PRKCSH: variants seen among roughly 807,000 people sequenced by gnomAD.
PRKCSH encodes the protein PRKCSH beta subunit of glucosidase II, also known as glucosidase 2 subunit beta.
Under a neutral mutation model 79.7 loss-of-function variants are expected in PRKCSH, and 42 were observed. The ratio of observed to expected loss-of-function variants is 0.53; its 90% CI spans 0.41 to 0.68. PRKCSH has a LOEUF of 0.68. PRKCSH is among the 30% of genes least tolerant of loss of function. PRKCSH has a pLI of 0.00. For synonymous variants in PRKCSH, 325 were observed against 288.2 expected, an observed-to-expected ratio of 1.13 and a Z score of -1.29; for missense variants, 686 against 709.0, an observed-to-expected ratio of 0.97 and a Z score of 0.37.
Position 11,446,655 on chromosome 19 carries a change from T to A in PRKCSH, c.762+305T>A, listed in dbSNP as rs577599975. ...CTCCCCCACACCCTCGTCCCCTGTCTGTCTCCTTTCCTATCCTCCTCCTTC... is the reference window on the plus strand; with the variant it reads ...CTCCCCCACACCCTCGTCCCCTGTCAGTCTCCTTTCCTATCCTCCTCCTTC... On this transcript the variant is annotated intron_variant, in intron 9 of 17. Transcript: ENST00000677123. Among the ~76,000 whole-genome samples the A allele has an allele frequency of 2.1e-5, 3 of 139,874 alleles. No individual in the cohort carries two copies. In the East Asian group the frequency reaches 7.1e-4, roughly 33 times the overall value. 91.8% of individuals were successfully genotyped at this position (139,874 alleles called of 152,430 possible).
intron 4 of PRKCSH, 47 bp from the exon 5 acceptor site, chr19:11,438,020 G>A (rs2144808410): frequency 1.2e-6 from 2 of 1,613,950 alleles, no homozygotes; most frequent in Non-Finnish European, 1.7e-6. Context: ...AGGGAGGGAG[G>A]GAGGAGGCAC....
Position 11,449,369 on chromosome 19 carries a change from C to T in PRKCSH, c.1565C>T (p.Pro522Leu). The T allele has an allele frequency of 1.9e-6, 3 of 1,613,430 alleles. No individual in the cohort carries two copies. Among genetic ancestry groups the T allele is most frequent in the Non-Finnish European group, 2.5e-6 (3 of 1,179,966 alleles). Reference sequence around the variant, plus strand: ...ATGACGCCAGCCGCCTGCCCGGAGCCACCGCCTGAAGCACCCACCGAAGAC... The same window carrying T: ...ATGACGCCAGCCGCCTGCCCGGAGCTACCGCCTGAAGCACCCACCGAAGAC... ...ELMTPAACPEPPPEAPTEDDH... is the reference protein window; with the variant it reads ...ELMTPAACPELPPEAPTEDDH... Residue 522 changes from proline (P) to leucine (L), a missense_variant, in exon 17 of 18, where the codon CCA becomes CTA. Pro to Leu is a moderately conservative substitution (Grantham distance 98). Around this residue, in one of 2 missense-constraint regions of PRKCSH, gnomAD observed 137 missense variants for 188.8 expected, o/e 0.73. Coordinates refer to ENST00000677123, the MANE Select transcript of PRKCSH (RefSeq NM_001289104.2). This position sits in a 1 kb window ranked among gnomAD's most constrained non-coding sequence, Gnocchi z 6.4.
chr19:11,438,429 T>C (rs1338042985), intron 5 of PRKCSH, among the ~76,000 whole-genome samples: 1 of 152,100 alleles, frequency 6.6e-6, no homozygotes, highest in Non-Finnish European at 1.5e-5. Flanking sequence ...CAGCAGGTCC[T>C]GAAAACCGAA....
Position 11,448,585 on chromosome 19 carries a change from GT to G in PRKCSH, c.1245del (p.Phe415LeufsTer56). 1.2e-6 allele frequency: 2 copies of G among 1,614,238 alleles called. No individual in the cohort carries two copies. Among genetic ancestry groups the G allele is most frequent in the Non-Finnish European group, 1.7e-6 (2 of 1,180,038 alleles). ...ISFDFGPNGE[F>X]AYLYSQCYEL... ...CTTTTGACTTTGGCCCCAACGGGGA[GT>G]TTGCTTACCTGTACAGCCAGTGCTA... On this transcript the variant is annotated frameshift_variant, in exon 14 of 18. Transcript: ENST00000677123. LOFTEE classifies it high-confidence loss of function. This position sits in a 1 kb window ranked among gnomAD's most constrained non-coding sequence, Gnocchi z 4.4.
intron 5 of PRKCSH, among the ~76,000 whole-genome samples, chr19:11,439,068 C>T (rs1043469056): frequency 2.0e-5 from 3 of 152,008 alleles, no homozygotes; most frequent in African/African-American, 7.2e-5. Flanking sequence ...CCCACCACGC[C>T]TGGCTAACTT....
chr19:11,438,698 T>C lies in PRKCSH; in HGVS notation c.350+574T>C, dbSNP rs530759401. ...TGAACACGGGAGGCAGAGGTTGCAGTGAGCCGAGATCGCACCACTGCAATC... is the reference window on the plus strand; with the variant it reads ...TGAACACGGGAGGCAGAGGTTGCAGCGAGCCGAGATCGCACCACTGCAATC... On this transcript the variant is annotated intron_variant, in intron 5 of 17. Coordinates refer to ENST00000677123, the MANE Select transcript of PRKCSH (RefSeq NM_001289104.2). Among the ~76,000 whole-genome samples the C allele has an allele frequency of 3.2e-3, 459 of 144,890 alleles. 2 individuals carry two copies. The highest frequency in any genetic ancestry group is 0.011 in the African/African-American group (435 of 38,976).
intron 7 of PRKCSH, 60 bp downstream of exon 7, chr19:11,442,575 A>G (rs1970112516): frequency 1.3e-6 from 2 of 1,588,664 alleles, no homozygotes; most frequent in Non-Finnish European, 1.7e-6. Flanking sequence ...GTCTGGGCCT[A>G]GGAGTCTCCC....
chr19:11,441,414 T>G, intron 6 of PRKCSH, 57 bp downstream of exon 6: 11 of 1,541,378 alleles, frequency 7.1e-6, no homozygotes, highest in Non-Finnish European at 9.9e-6. Context: ...CCTCATAGTG[T>G]GGGCTTGCAA....
In PRKCSH at chr19:11,447,024, T is replaced by TG. The variant is rs776662966; in HGVS notation, c.763-45dup. On this transcript the variant is annotated intron_variant, in intron 9 of 17. Transcript: ENST00000677123. This position sits in a 1 kb window ranked among gnomAD's most constrained non-coding sequence, Gnocchi z 5.6. ...AGCCCGGGTGCCGGGGTGGCCGAGA[T>TG]GGGGGACACGTGGTGGCCTAGATCT... 2 of 1,590,678 alleles carry TG rather than the reference T, an allele frequency of 1.3e-6. No homozygotes were observed. The highest frequency in any genetic ancestry group is 1.7e-5 in the Admixed American group (1 of 59,930).
rs907543933 is a variant in PRKCSH, at chr19:11,442,330, C to T, written c.469-56C>T. Reference sequence around the variant, plus strand: ...GGAGTAGAGGCAGGGAGGTAGTAGTCAATGAGGAGGAGGCAGAACAGAGGA... The same window carrying T: ...GGAGTAGAGGCAGGGAGGTAGTAGTTAATGAGGAGGAGGCAGAACAGAGGA... On this transcript the variant is annotated intron_variant, in intron 6 of 17. Transcript: ENST00000677123. The T allele has an allele frequency of 2.6e-6, 4 of 1,542,918 alleles. No homozygotes were observed. In the African/African-American group the frequency reaches 5.5e-5, roughly 21 times the overall value.
In PRKCSH at chr19:11,439,130, C is replaced by T. The variant is rs575515659; in HGVS notation, c.350+1006C>T. ...CTATGTTGGCCAGGCTGGCCTCGAA[C>T]GCCTGACCTCAGGTGATCTGCTCGC... On this transcript the variant is annotated intron_variant, in intron 5 of 17. Coordinates refer to ENST00000677123, the MANE Select transcript of PRKCSH (RefSeq NM_001289104.2). 1.6e-4 allele frequency among the ~76,000 whole-genome samples: 25 copies of T among 152,186 alleles called. No individual in the cohort carries two copies. In the South Asian group the frequency reaches 2.1e-3, roughly 13 times the overall value.
At chr19:11,437,308 G>A (rs775425499) in intron 3 of PRKCSH, among the ~76,000 whole-genome samples, 3 of 151,900 alleles carry the variant, frequency 2.0e-5, no homozygotes, top group Non-Finnish European at 2.9e-5. Flanking sequence ...AAAGTGTTGG[G>A]ATTACAGGCG....
At position 11,435,699 on chromosome 19, in the gene PRKCSH, G is replaced by A. The variant is rs1271530308; in HGVS notation, c.-85G>A. On this transcript the variant is annotated 5_prime_UTR_variant, in exon 1 of 18. Transcript: ENST00000677123. ...TGCGGTGGATACTGACCTTTGCTCC[G>A]GCCTCGTGTAGGTGTGAACGAGCGG... 3.0e-6 allele frequency: 4 copies of A among 1,314,828 alleles called. 1 individual carries two copies. The highest frequency in any genetic ancestry group is 5.1e-5 in the East Asian group (1 of 19,646). 81.4% of individuals were successfully genotyped at this position (1,314,828 alleles called of 1,614,324 possible). A position where few individuals can be genotyped will look rare whatever the true frequency, so the allele number is the denominator to read the frequency against.
In PRKCSH at chr19:11,447,655, G is replaced by A; in HGVS notation, c.1029+37G>A. ...GGGGAGAAGTGGAGACAGAGAGGGT[G>A]GGGGAAGGGCTACTCACTGACCCTG... On this transcript the variant is annotated intron_variant, in intron 11 of 17. Transcript: ENST00000677123. This position sits in a 1 kb window ranked among gnomAD's most constrained non-coding sequence, Gnocchi z 5.6. The A allele has an allele frequency of 1.3e-6, 2 of 1,568,462 alleles. No individual in the cohort carries two copies. The highest frequency in any genetic ancestry group is 1.7e-6 in the Non-Finnish European group (2 of 1,156,188).
At chr19:11,442,237 A>G (rs1970094419) in intron 6 of PRKCSH, 149 bp from the exon 7 acceptor site, 1 of 1,187,698 alleles carries the variant, frequency 8.4e-7, no homozygotes. Context: ...AGAGGGCTAC[A>G]GGGAACCCCA....
Position 11,448,210 on chromosome 19 carries a change from C to A in PRKCSH, c.1127-12C>A. 1 of 1,554,592 alleles carries A rather than the reference C, an allele frequency of 6.4e-7. No individual in the cohort carries two copies. The highest frequency in any genetic ancestry group is 2.4e-5 in the East Asian group (1 of 41,294). On this transcript the variant is annotated splice_polypyrimidine_tract_variant and intron_variant, in intron 12 of 17. Transcript: ENST00000677123. This position sits in a 1 kb window ranked among gnomAD's most constrained non-coding sequence, Gnocchi z 4.4. Reference sequence around the variant, plus strand: ...GGTTGAGGACATCTCTGACCTCCAACCCCTCTCCCAGCTGCCCAGGAGGCC... The same window carrying A: ...GGTTGAGGACATCTCTGACCTCCAAACCCTCTCCCAGCTGCCCAGGAGGCC...
intron 8 of PRKCSH, chr19:11,445,863 A>G: frequency 4.7e-6 from 2 of 427,748 alleles, no homozygotes; most frequent in South Asian, 4.5e-5. Context: ...GCTGAGAGGC[A>G]CACGGGGAGC....
chr19:11,446,844 C>CT lies in PRKCSH; in HGVS notation c.763-227dup, dbSNP rs1970328035. ...CGTCCGTTTGTCCATCTGCTTCTCT[C>CT]TTTCTGTCTCAGTGCCCCCAACCAC... On this transcript the variant is annotated intron_variant, in intron 9 of 17. Coordinates refer to ENST00000677123, the MANE Select transcript of PRKCSH (RefSeq NM_001289104.2). Among the ~76,000 whole-genome samples, 5 of 150,860 alleles carry CT rather than the reference C, an allele frequency of 3.3e-5. No individual in the cohort carries two copies. The South Asian group carries it at 1.0e-3, about 31-fold the overall frequency.
chr19:11,448,498 G>A lies in PRKCSH; in HGVS notation c.1197-42G>A. 6.4e-7 allele frequency: 1 copy of A among 1,572,168 alleles called. No individual in the cohort carries two copies. Among genetic ancestry groups the A allele is most frequent in the Non-Finnish European group, 8.8e-7 (1 of 1,141,842 alleles). ...GTCTGTCGTCCTGGGTCAGGCACTG[G>A]CGTCCCCAGCTGCCCCTTAACCGCT... On this transcript the variant is annotated intron_variant, in intron 13 of 17. Transcript: ENST00000677123. This position sits in a 1 kb window ranked among gnomAD's most constrained non-coding sequence, Gnocchi z 4.4.
Sources: gnomAD v4.1 joint callset for allele counts (sites outside exome capture counted in the v4.1 genomes callset) on GRCh38, gnomAD v4.1.1 for gene constraint, gnomAD v4.1.1 regional missense constraint, Gnocchi (gnomAD v3.1) non-coding constraint, MANE v1.5 for transcripts, NCBI Gene and HGNC (gene_info 2026-07-23, HGNC 2026-07-21) for gene names.